Variants in WAC observed in about 807,000 individuals in gnomAD.
The protein encoded by WAC is WW domain-containing adapter protein with coiled-coil.
In WAC, 11 loss-of-function variants were observed where a neutral mutation model predicts 79.6. The observed-to-expected ratio is 0.14, with a 90% CI of 0.09 to 0.23. The LOEUF (loss-of-function observed/expected upper bound fraction) is 0.23. Ranked by LOEUF, WAC falls within the 10% of genes least tolerant of loss-of-function variation. WAC has a pLI of 1.00. For missense variants in WAC, 728 were observed against 773.5 expected (o/e 0.94, Z 0.70); for synonymous variants, 304 against 276.9 (o/e 1.10, Z -0.97).
At chr10:28,534,444 T>TA (rs1478812442) in intron 2 of WAC, 1 of 174,102 alleles carries the variant, frequency 5.7e-6, no homozygotes, top group Admixed American at 6.3e-5. Context: ...GGTAAATAGC[T>TA]AAATGACTTA....
At chr10:28,608,063 G>T in intron 7 of WAC, 123 bp from the exon 8 acceptor site, 1 of 1,023,724 alleles carries the variant, frequency 9.8e-7, no homozygotes, top group East Asian at 2.4e-5. Flanking sequence ...GTGTGCTCCA[G>T]TGTGTAAGGG....
At chr10:28,584,060 T>C (rs1839678308) in intron 4 of WAC, among the ~76,000 whole-genome samples, 3 of 152,168 alleles carry the variant, frequency 2.0e-5, no homozygotes, top group South Asian at 2.1e-4. Context: ...CAGCAAAAAA[T>C]TAATAAGGTT....
intron 4 of WAC, among the ~76,000 whole-genome samples, 177 bp downstream of exon 4, chr10:28,583,682 C>T (rs112285112): frequency 6.6e-6 from 1 of 151,666 alleles, no homozygotes; most frequent in Admixed American, 6.6e-5. Context: ...AACCAATGAG[C>T]CAAGCTTATT....
At chr10:28,593,936 A>G (rs1226807889) in intron 6 of WAC, among the ~76,000 whole-genome samples, 1 of 152,050 alleles carries the variant, frequency 6.6e-6, no homozygotes, top group Non-Finnish European at 1.5e-5. Context: ...ACTTTGGGTG[A>G]AGTAATTGTT....
chr10:28,608,538 T>A (rs1263799093), intron 8 of WAC, 107 bp downstream of exon 8: 1 of 1,218,012 alleles, frequency 8.2e-7, no homozygotes, highest in Non-Finnish European at 1.1e-6. Flanking sequence ...TTGAAATTTA[T>A]AGTTGAACAC....
chr10:28,564,164 C>G (rs1838468101), intron 3 of WAC, among the ~76,000 whole-genome samples: 1 of 152,010 alleles, frequency 6.6e-6, no homozygotes, highest in Admixed American at 6.6e-5. Flanking sequence ...ACTCTGGAGG[C>G]TGAGGTGGGA....
At chr10:28,550,277 C>G (rs568661697) in intron 3 of WAC, among the ~76,000 whole-genome samples, 1 of 151,278 alleles carries the variant, frequency 6.6e-6, no homozygotes, top group African/African-American at 2.4e-5. Context: ...AAGCACTTAC[C>G]CAGTCCTAGG....
intron 3 of WAC, among the ~76,000 whole-genome samples, chr10:28,578,087 A>G (rs1191322909): frequency 6.6e-6 from 1 of 152,192 alleles, no homozygotes; most frequent in Non-Finnish European, 1.5e-5. Flanking sequence ...TGAGCCCGGG[A>G]GGCAGAGGTT....
chr10:28,610,663 GT>G, intron 8 of WAC, 35 bp from the exon 9 acceptor site: 1 of 1,575,968 alleles, frequency 6.3e-7, no homozygotes, highest in South Asian at 1.2e-5. Flanking sequence ...TAAGCCTCTT[GT>G]TTTTATATGA....
Position 28,535,732 on chromosome 10 carries a change from T to G in WAC, c.249T>G (p.Thr83=), listed in dbSNP as rs1836617645. The G allele has an allele frequency of 6.2e-7, 1 of 1,613,638 alleles. No homozygotes were observed. Among genetic ancestry groups the G allele is most frequent in the Non-Finnish European group, 8.5e-7 (1 of 1,179,750 alleles). The change falls in exon 3 of 14, where the codon ACT becomes ACG. Residue 83 remains threonine (T), a synonymous_variant. Coordinates refer to ENST00000354911, the MANE Select transcript of WAC (RefSeq NM_016628.5). ...ACAGTAAGGCCAAAAATGTGCATACTCACAGAGTTAGAGAGAGGGATGGTG... is the reference window on the plus strand; with the variant it reads ...ACAGTAAGGCCAAAAATGTGCATACGCACAGAGTTAGAGAGAGGGATGGTG... ...TGHSKAKNVH[T]HRVRERDGGT... is the part of the protein sequence containing the mutation.
At chr10:28,609,691 T>C (rs1188289240) in intron 8 of WAC, among the ~76,000 whole-genome samples, 1 of 151,892 alleles carries the variant, frequency 6.6e-6, no homozygotes, top group Non-Finnish European at 1.5e-5. Context: ...CTGGGCAACA[T>C]GGTGAACCCC....
chr10:28,589,547 T>C, intron 4 of WAC, 189 bp from the exon 5 acceptor site: 1 of 329,250 alleles, frequency 3.0e-6, no homozygotes, highest in Non-Finnish European at 5.5e-6. Flanking sequence ...TGATATTTTA[T>C]AAAGTTCTGT....
chr10:28,593,868 G>T (rs1368716755), intron 6 of WAC, among the ~76,000 whole-genome samples: 1 of 151,952 alleles, frequency 6.6e-6, no homozygotes, highest in African/African-American at 2.4e-5. Context: ...TTTATATGTT[G>T]ATGGCTCTAT....
At chr10:28,551,471 A>G (rs1837664290) in intron 3 of WAC, among the ~76,000 whole-genome samples, 1 of 152,218 alleles carries the variant, frequency 6.6e-6, no homozygotes. Flanking sequence ...GCAGTGGCTC[A>G]GTTGTAAAAA....
At chr10:28,544,445 T>A (rs1837241701) in intron 3 of WAC, among the ~76,000 whole-genome samples, 1 of 152,192 alleles carries the variant, frequency 6.6e-6, no homozygotes, top group South Asian at 2.1e-4. Flanking sequence ...TTCTGAGTGT[T>A]TGTGTCCATC....
chr10:28,617,222 CAG>C (rs986364730), intron 12 of WAC, among the ~76,000 whole-genome samples: 5 of 152,200 alleles, frequency 3.3e-5, no homozygotes, highest in Admixed American at 2.6e-4. Context: ...TGCTTTTTAT[CAG>C]ATAACTGACC....
chr10:28,586,670 C>T (rs938975845), intron 4 of WAC, among the ~76,000 whole-genome samples: 1 of 151,888 alleles, frequency 6.6e-6, no homozygotes, highest in African/African-American at 2.4e-5. Flanking sequence ...GCCTGGCCGA[C>T]AGCAAGACCC....
At chr10:28,541,444 TTTA>T in intron 3 of WAC, among the ~76,000 whole-genome samples, 2 of 139,670 alleles carry the variant, frequency 1.4e-5, no homozygotes, top group Admixed American at 1.5e-4. Flanking sequence ...TTTTTTTTTT[TTTA>T]AGACAGTCTC....
chr10:28,581,433 T>C (rs1839531134), intron 3 of WAC, among the ~76,000 whole-genome samples: 1 of 151,990 alleles, frequency 6.6e-6, no homozygotes, highest in African/African-American at 2.4e-5. Flanking sequence ...GTGAGATCCC[T>C]CTGGAAGTCT....
Sources: allele counts gnomAD v4.1 joint callset (sites outside exome capture counted in the v4.1 genomes callset), GRCh38; gene constraint gnomAD v4.1.1; transcripts MANE v1.5; gene names NCBI Gene and HGNC (gene_info 2026-07-23, HGNC 2026-07-21).